Variants in PALLD observed in about 807,000 individuals in gnomAD.
The protein encoded by PALLD is palladin.
In PALLD, 61 loss-of-function variants were observed where a neutral mutation model predicts 123.5. The observed-to-expected ratio is 0.49, with a 90% CI of 0.40 to 0.61. The LOEUF is 0.61. Among genes scored for constraint, PALLD ranks in the 20% least tolerant of loss-of-function variants. The pLI is 0.00. For synonymous variants in PALLD, 465 were observed against 496.4 expected (o/e 0.94, Z 0.84); for missense variants, 1,273 against 1,377.0 (o/e 0.92, Z 1.20).
At chr4:168,689,174 GTTC>G (rs1201812366) in intron 6 of PALLD, among the ~76,000 whole-genome samples, 8 of 152,168 alleles carry the variant, frequency 5.3e-5, no homozygotes, top group African/African-American at 9.7e-5. Context: ...GACTTTTATA[GTTC>G]TTCTGCCAAT....
chr4:168,609,147 A>C (rs891143512), intron 2 of PALLD, among the ~76,000 whole-genome samples: 9 of 151,984 alleles, frequency 5.9e-5, no homozygotes, highest in African/African-American at 1.9e-4. Context: ...TATTAGCCAG[A>C]ATTATGTTTA....
chr4:168,860,982 T>C (rs1280179138), intron 10 of PALLD, among the ~76,000 whole-genome samples: 1 of 152,178 alleles, frequency 6.6e-6, no homozygotes, highest in Non-Finnish European at 1.5e-5. Flanking sequence ...AATATTTTGG[T>C]GTGAGGCCCC....
At chr4:168,685,609 T>G (rs1186513514) in intron 6 of PALLD, 50 bp downstream of exon 6, 1 of 1,189,100 alleles carries the variant, frequency 8.4e-7, no homozygotes, top group Non-Finnish European at 1.3e-6. Flanking sequence ...GTCCTTAAAT[T>G]TCATTTACAT....
chr4:168,910,502 T>A (rs557989367), intron 15 of PALLD, among the ~76,000 whole-genome samples: 3 of 152,158 alleles, frequency 2.0e-5, no homozygotes, highest in Non-Finnish European at 2.9e-5. Flanking sequence ...AAAATTCCAT[T>A]ACATAAACAA....
In PALLD at chr4:168,762,289, A is replaced by C. The variant is rs1246021513; in HGVS notation, c.1964+50366A>C. Among the ~76,000 whole-genome samples, 4 of 152,148 alleles carry C rather than the reference A, an allele frequency of 2.6e-5. 1 individual carries two copies. The highest frequency in any genetic ancestry group is 5.9e-5 in the Non-Finnish European group (4 of 68,036). On this transcript the variant is annotated intron_variant, in intron 10 of 21. Coordinates refer to ENST00000505667, the MANE Select transcript of PALLD (RefSeq NM_001166108.2). ...GGAGTTTGAGACCAGCCTGGCCATC[A>C]TAATGGAACCCCATCTCTATTAAAA...
chr4:168,621,132 AG>A (rs1364119506), intron 2 of PALLD, among the ~76,000 whole-genome samples: 1 of 152,250 alleles, frequency 6.6e-6, no homozygotes, highest in African/African-American at 2.4e-5. Flanking sequence ...AATGACTATA[AG>A]TTTGCTTTGT....
rs1042221530 is a variant in PALLD at position 168,585,328 on chromosome 4, G to A, written c.908+72916G>A. On this transcript the variant is annotated intron_variant, in intron 2 of 21. Transcript: ENST00000505667. Reference sequence around the variant, plus strand: ...TGTGTGTGTGTGTGTGTGTGTGTCCGTGTAGGAGAGGAAATGATTAACCCA... The same window carrying A: ...TGTGTGTGTGTGTGTGTGTGTGTCCATGTAGGAGAGGAAATGATTAACCCA... 4.6e-5 allele frequency among the ~76,000 whole-genome samples: 7 copies of A among 151,744 alleles called. No homozygotes were observed. The East Asian group carries it at 5.8e-4, about 13-fold the overall frequency.
chr4:168,837,793 C>T (rs577098902), intron 10 of PALLD, among the ~76,000 whole-genome samples: 1 of 152,300 alleles, frequency 6.6e-6, no homozygotes, highest in South Asian at 2.1e-4. Context: ...GTGGCCCAGG[C>T]TCTGTGTTAG....
At chr4:168,635,551 A>G (rs758773487) in intron 2 of PALLD, among the ~76,000 whole-genome samples, 1 of 152,252 alleles carries the variant, frequency 6.6e-6, no homozygotes, top group African/African-American at 2.4e-5. Context: ...CTCAAGGCAT[A>G]TGCCATAGTC....
chr4:168,731,727 A>G (rs1424362678), intron 10 of PALLD, among the ~76,000 whole-genome samples: 1 of 152,236 alleles, frequency 6.6e-6, no homozygotes, highest in African/African-American at 2.4e-5. Context: ...AGTGGCAAGG[A>G]AAAAAAGATA....
intron 7 of PALLD, 71 bp downstream of exon 7, chr4:168,690,815 G>A: frequency 6.9e-7 from 1 of 1,456,866 alleles, no homozygotes; most frequent in African/African-American, 1.4e-5. Flanking sequence ...ACCAAGAAGG[G>A]CTAAGTCATT....
intron 10 of PALLD, among the ~76,000 whole-genome samples, chr4:168,763,874 G>A (rs147726429): frequency 5.7e-4 from 87 of 152,250 alleles, no homozygotes; most frequent in African/African-American, 1.9e-3. Flanking sequence ...CTCCCCAAGC[G>A]AGCCTCAGAG....
At chr4:168,576,112 G>T (rs954166901) in intron 2 of PALLD, among the ~76,000 whole-genome samples, 2 of 151,992 alleles carry the variant, frequency 1.3e-5, no homozygotes, top group Non-Finnish European at 2.9e-5. Flanking sequence ...ATTTTTTAAA[G>T]TATCATTGCA....
At chr4:168,794,012 G>A (rs1409264263) in intron 10 of PALLD, among the ~76,000 whole-genome samples, 3 of 152,174 alleles carry the variant, frequency 2.0e-5, no homozygotes, top group African/African-American at 7.2e-5. Flanking sequence ...CCTCCTCTCT[G>A]GCTGTCCCCA....
intron 10 of PALLD, among the ~76,000 whole-genome samples, chr4:168,723,462 G>A (rs544071348): frequency 3.3e-4 from 51 of 152,304 alleles, no homozygotes; most frequent in African/African-American, 1.1e-3. Context: ...TAAGGAAAAG[G>A]TTTGAGGAAG....
At chr4:168,837,039 C>G (rs934510868) in intron 10 of PALLD, among the ~76,000 whole-genome samples, 1 of 152,100 alleles carries the variant, frequency 6.6e-6, no homozygotes, top group Admixed American at 6.6e-5. Context: ...CATTTAAGCC[C>G]TGGAGGGAAA....
chr4:168,636,974 T>G (rs1053960394), intron 2 of PALLD, among the ~76,000 whole-genome samples: 2 of 152,094 alleles, frequency 1.3e-5, no homozygotes, highest in Non-Finnish European at 1.5e-5. Context: ...CTTTGCTGGT[T>G]AGAAAGGAAG....
At chr4:168,667,723 CT>C (rs1175222697) in intron 2 of PALLD, among the ~76,000 whole-genome samples, 13 of 152,246 alleles carry the variant, frequency 8.5e-5, no homozygotes, top group African/African-American at 3.1e-4. Flanking sequence ...GATCAGAAGT[CT>C]TAAGGTCAAC....
chr4:168,824,437 C>A (rs143981686), intron 10 of PALLD, among the ~76,000 whole-genome samples: 61 of 152,244 alleles, frequency 4.0e-4, no homozygotes, highest in African/African-American at 1.4e-3. Flanking sequence ...GGAAAATATT[C>A]ATAGGCCACC....
Sources: allele counts gnomAD v4.1 joint callset (sites outside exome capture counted in the v4.1 genomes callset), GRCh38; gene constraint gnomAD v4.1.1; transcripts MANE v1.5; gene names NCBI Gene and HGNC (gene_info 2026-07-23, HGNC 2026-07-21).